DRC8: variants seen among roughly 807,000 people sequenced by gnomAD.
DRC8 encodes the protein dynein regulatory complex protein 8.
chr1:245,042,276 A>C, the DRC8 span, among the ~76,000 whole-genome samples: 1 of 152,224 alleles, frequency 6.6e-6, no homozygotes. Context: ...GATATACAGG[A>C]GATCCAGAGT....
chr1:245,053,749 T>C, the DRC8 span, among the ~76,000 whole-genome samples: 1 of 151,856 alleles, frequency 6.6e-6, no homozygotes, highest in African/African-American at 2.4e-5. Context: ...TTTTCTGGGG[T>C]CTACCCGGGC....
the DRC8 span, among the ~76,000 whole-genome samples, chr1:244,985,076 G>GTTTTTTTTTTTTTTTTTTTTT: frequency 3.1e-5 from 4 of 130,804 alleles, no homozygotes; most frequent in Admixed American, 7.7e-5. Context: ...TGTCTCCAGG[G>GTTTTTTTTTTTTTTTTTTTTT]TTTTTTTTTT....
chr1:245,063,731 CTT>C, the DRC8 span, among the ~76,000 whole-genome samples: 1 of 151,956 alleles, frequency 6.6e-6, no homozygotes, highest in African/African-American at 2.4e-5. Flanking sequence ...GATCTCAACT[CTT>C]TTTTTTGAGA....
At chr1:244,974,935 T>A in the DRC8 span, among the ~76,000 whole-genome samples, 1 of 151,924 alleles carries the variant, frequency 6.6e-6, no homozygotes, top group Non-Finnish European at 1.5e-5. Flanking sequence ...TTTTTTTATT[T>A]TTATTTTTTT....
At chr1:245,092,660 ATTTT>A in the DRC8 span, among the ~76,000 whole-genome samples, 1 of 152,190 alleles carries the variant, frequency 6.6e-6, no homozygotes, top group Non-Finnish European at 1.5e-5. Context: ...GGAAACTTAT[ATTTT>A]TAATATTCTC....
At chr1:245,039,791 C>T in the DRC8 span, among the ~76,000 whole-genome samples, 1 of 152,238 alleles carries the variant, frequency 6.6e-6, no homozygotes, top group African/African-American at 2.4e-5. Flanking sequence ...CAGATATTTT[C>T]CTGTGATTAG....
the DRC8 span, among the ~76,000 whole-genome samples, chr1:245,016,547 G>T: frequency 0.023 from 3,547 of 152,096 alleles, 155 homozygotes; most frequent in African/African-American, 0.082. Flanking sequence ...CACACCATTT[G>T]CCTTACTATG....
chr1:244,980,678 A>T, the DRC8 span, among the ~76,000 whole-genome samples: 1 of 152,176 alleles, frequency 6.6e-6, no homozygotes, highest in Non-Finnish European at 1.5e-5. Context: ...GAGTTATGTA[A>T]ATAATAGTTC....
chr1:244,970,013 G>A, the DRC8 span: 2 of 552,484 alleles, frequency 3.6e-6, no homozygotes, highest in African/African-American at 4.0e-5. Context: ...GCAACGCCAC[G>A]TCGCACAAAC....
At chr1:244,986,469 C>A in the DRC8 span, among the ~76,000 whole-genome samples, 1 of 152,128 alleles carries the variant, frequency 6.6e-6, no homozygotes, top group African/African-American at 2.4e-5. Context: ...AGGCAGAGGC[C>A]AGGTCTTTGT....
the DRC8 span, among the ~76,000 whole-genome samples, chr1:245,041,615 A>C: frequency 1.3e-5 from 2 of 152,192 alleles, no homozygotes; most frequent in African/African-American, 4.8e-5. Context: ...CGTGTTTTAA[A>C]GTCTTAACCT....
the DRC8 span, among the ~76,000 whole-genome samples, chr1:245,099,427 C>T: frequency 1.3e-5 from 2 of 152,316 alleles, 1 homozygote; most frequent in South Asian, 4.1e-4. Flanking sequence ...AGTTTGCCCG[C>T]CAGCCAACAG....
At chr1:244,981,072 A>G in the DRC8 span, among the ~76,000 whole-genome samples, 1 of 152,072 alleles carries the variant, frequency 6.6e-6, no homozygotes, top group Non-Finnish European at 1.5e-5. Flanking sequence ...AATCCCAGCT[A>G]CTTGAGAGGC....
the DRC8 span, among the ~76,000 whole-genome samples, chr1:244,990,929 G>A: frequency 6.6e-6 from 1 of 151,838 alleles, no homozygotes; most frequent in Non-Finnish European, 1.5e-5. Flanking sequence ...CCAGTTCCCT[G>A]TGGACACCAA....
At chr1:245,063,642 C>A in the DRC8 span, among the ~76,000 whole-genome samples, 1 of 152,178 alleles carries the variant, frequency 6.6e-6, no homozygotes, top group African/African-American at 2.4e-5. Flanking sequence ...CATTGGGAGG[C>A]TGAGGTGAGA....
At chr1:245,050,322 A>T in the DRC8 span, among the ~76,000 whole-genome samples, 1 of 151,638 alleles carries the variant, frequency 6.6e-6, no homozygotes, top group Admixed American at 6.6e-5. Context: ...CTGGTCTCGA[A>T]CTCCTGACCT....
chr1:245,118,189 A>G, the DRC8 span, among the ~76,000 whole-genome samples: 1 of 152,172 alleles, frequency 6.6e-6, no homozygotes, highest in Non-Finnish European at 1.5e-5. Flanking sequence ...GCCATGAGAA[A>G]TAGATGAGGG....
chr1:245,016,133 C>T, the DRC8 span, among the ~76,000 whole-genome samples: 1 of 152,090 alleles, frequency 6.6e-6, no homozygotes, highest in East Asian at 1.9e-4. Context: ...AGTTATGCGC[C>T]ACCATGCCTG....
the DRC8 span, among the ~76,000 whole-genome samples, chr1:245,113,311 A>G: frequency 6.6e-6 from 1 of 152,298 alleles, no homozygotes; most frequent in East Asian, 1.9e-4. Context: ...AGCTTTTAAG[A>G]ATGTATCTAA....
Sources: allele counts gnomAD v4.1 joint callset (sites outside exome capture counted in the v4.1 genomes callset), GRCh38; gene constraint gnomAD v4.1.1; transcripts MANE v1.5; gene names NCBI Gene and HGNC (gene_info 2026-07-23, HGNC 2026-07-21).